The following CEP164 variants were observed in gnomAD, a reference collection of about 807,000 sequenced individuals.
CEP164 encodes centrosomal protein of 164 kDa.
A neutral mutation model predicts 182.7 loss-of-function variants in CEP164; 162 were observed. That is an observed-to-expected ratio of 0.89 (90% confidence interval 0.78 to 1.01). The LOEUF is 1.01. Ranked by LOEUF, CEP164 falls within the 50% of genes least tolerant of loss-of-function variation. The pLI, the probability that CEP164 is intolerant of heterozygous loss-of-function variation, is 0.00. For missense variants in CEP164, 1,735 were observed against 1,790.4 expected (o/e 0.97, Z 0.56); for synonymous variants, 661 against 690.0 (o/e 0.96, Z 0.66).
rs566477562 is a variant in CEP164, at chr11:117,393,233, C to A, written c.2616+107C>A. On this transcript the variant is annotated intron_variant, in intron 20 of 32. Transcript: ENST00000278935. Reference sequence around the variant, plus strand: ...CATGCACGCACATGCACACACACCCCGGGGTCCTTCCCACCTGGCTGTGGG... The same window carrying A: ...CATGCACGCACATGCACACACACCCAGGGGTCCTTCCCACCTGGCTGTGGG... 565 of 1,455,458 alleles carry A rather than the reference C, an allele frequency of 3.9e-4. 2 individuals are homozygous for A. In the African/African-American group the frequency reaches 7.3e-3, roughly 19 times the overall value. 90.2% of individuals were successfully genotyped at this position (1,455,458 alleles called of 1,614,324 possible).
At position 117,363,439 on chromosome 11, in the gene CEP164, G is replaced by A. The variant is rs755237805; in HGVS notation, c.698G>A (p.Ser233Asn). Reference protein sequence around the residue: ...EEESDNQSVHSSSEPLRNLHL... With the variant: ...EEESDNQSVHNSSEPLRNLHL... ...CATTTTTGTTTCTAGAGTGTCCACA[G>A]CTCAAGTGAGCCTCTTAGGAACCTA... The change falls in exon 8 of 33, where the codon AGC becomes AAC. Residue 233 changes from serine (S) to asparagine (N), a missense_variant. Physicochemically the swap from Ser to Asn is conservative, Grantham distance 46. Coordinates refer to ENST00000278935, the MANE Select transcript of CEP164 (RefSeq NM_014956.5). 8.1e-6 allele frequency: 13 copies of A among 1,613,518 alleles called. No individual in the cohort carries two copies. Among genetic ancestry groups the A allele is most frequent in the South Asian group, 1.1e-5 (1 of 91,064 alleles).
At chr11:117,373,539 C>A (rs12794050) in intron 9 of CEP164, among the ~76,000 whole-genome samples, 22,029 of 152,152 alleles carry the variant, frequency 0.14, 2,098 homozygotes, top group Non-Finnish European at 0.21. Flanking sequence ...CTCTACTCAG[C>A]GGGCTGCCCA....
chr11:117,368,543 T>A (rs2041887921), intron 8 of CEP164, among the ~76,000 whole-genome samples: 1 of 152,202 alleles, frequency 6.6e-6, no homozygotes, highest in South Asian at 2.1e-4. Context: ...CAGGTTTCAC[T>A]CCCAACTTCA....
chr11:117,338,392 G>A (rs952236298), intron 2 of CEP164, among the ~76,000 whole-genome samples, 174 bp from the exon 3 acceptor site: 2 of 152,210 alleles, frequency 1.3e-5, no homozygotes, highest in Non-Finnish European at 2.9e-5. Flanking sequence ...CAGAGCCTGT[G>A]AGCCTTGAGT....
chr11:117,397,198 C>G lies in CEP164; in HGVS notation c.3386C>G (p.Thr1129Arg). The change falls in exon 27 of 33, where the codon ACA (threonine) becomes AGA (arginine). Residue 1129 changes from threonine (T) to arginine (R), a missense_variant. By Grantham distance (71) the Thr-to-Arg change is moderately conservative. Transcript: ENST00000278935. ...QQTRSMRRRQ[T>R]ALKAAQQHWR... ...ACACGCTCCATGCGGAGGCGGCAGA[C>G]AGCTCTGAAAGCTGCCCAGCAGCAT... 2 of 1,614,256 alleles carry G rather than the reference C, an allele frequency of 1.2e-6. No homozygotes were observed. The highest frequency in any genetic ancestry group is 1.6e-4 in the Middle Eastern group (1 of 6,062).
chr11:117,345,024 A>G (rs1198690897), intron 4 of CEP164, among the ~76,000 whole-genome samples: 2 of 152,204 alleles, frequency 1.3e-5, no homozygotes, highest in Non-Finnish European at 2.9e-5. Flanking sequence ...CAGTGAGGCC[A>G]TGCAGACCAG....
At chr11:117,367,250 G>C (rs950621717) in intron 8 of CEP164, among the ~76,000 whole-genome samples, 3 of 152,192 alleles carry the variant, frequency 2.0e-5, no homozygotes, top group Non-Finnish European at 4.4e-5. Context: ...ACATCCATTT[G>C]TGGATAATCT....
chr11:117,349,748 T>A (rs1035064026), intron 4 of CEP164, among the ~76,000 whole-genome samples: 1 of 152,204 alleles, frequency 6.6e-6, no homozygotes, highest in Admixed American at 6.5e-5. Flanking sequence ...GGAACCCCCA[T>A]GCTATTTACC....
At chr11:117,376,666 G>T (rs1245710489) in intron 11 of CEP164, among the ~76,000 whole-genome samples, 1 of 151,684 alleles carries the variant, frequency 6.6e-6, no homozygotes, top group Non-Finnish European at 1.5e-5. Flanking sequence ...GTGTGCTAGA[G>T]GCAGGCCAGT....
At chr11:117,407,026 G>A (rs2136835447) in intron 27 of CEP164, among the ~76,000 whole-genome samples, 1 of 152,186 alleles carries the variant, frequency 6.6e-6, no homozygotes, top group Admixed American at 6.5e-5. Flanking sequence ...CCCAGGAGGA[G>A]GTGGAGGTTG....
Position 117,397,082 on chromosome 11 carries a change from C to G in CEP164, c.3279-9C>G. 1 of 1,612,138 alleles carries G rather than the reference C, an allele frequency of 6.2e-7. No individual in the cohort carries two copies. The highest frequency in any genetic ancestry group is 8.5e-7 in the Non-Finnish European group (1 of 1,179,066). Reference sequence around the variant, plus strand: ...CTTCTGTTTTCCTTCTTCAACTCTCCTGCTCCAGCCTGTCCTCCCACAATG... The same window carrying G: ...CTTCTGTTTTCCTTCTTCAACTCTCGTGCTCCAGCCTGTCCTCCCACAATG... On this transcript the variant is annotated splice_polypyrimidine_tract_variant and intron_variant, in intron 26 of 32. Coordinates refer to ENST00000278935, the MANE Select transcript of CEP164 (RefSeq NM_014956.5).
At chr11:117,393,831 C>T (rs1300372499) in intron 20 of CEP164, among the ~76,000 whole-genome samples, 11 of 152,200 alleles carry the variant, frequency 7.2e-5, no homozygotes, top group Admixed American at 7.2e-4. Context: ...CTGCCTTGCT[C>T]ACATTGAGGG....
In CEP164 at chr11:117,359,645, T is replaced by C; in HGVS notation, c.394-2190T>C. ...TCAGTCTTTGTGGGATTAGGGAGGA[T>C]TGGAATTTTTGTGTCATCTTAGACA... On this transcript the variant is annotated intron_variant, in intron 5 of 32. Coordinates refer to ENST00000278935, the MANE Select transcript of CEP164 (RefSeq NM_014956.5). The C allele has an allele frequency of 3.2e-6, 3 of 952,230 alleles. No individual in the cohort carries two copies. The East Asian group carries it at 3.5e-4, about 110-fold the overall frequency. 59.0% of individuals were successfully genotyped at this position (952,230 alleles called of 1,614,324 possible).
At chr11:117,392,980 A>G in intron 19 of CEP164, 24 bp from the exon 20 acceptor site, 2 of 1,611,922 alleles carry the variant, frequency 1.2e-6, no homozygotes, top group Admixed American at 1.7e-5. Flanking sequence ...TCTTCATGCC[A>G]CATCCCTGCC....
At chr11:117,396,463 G>A (rs978742300) in intron 25 of CEP164, 87 bp from the exon 26 acceptor site, 1 of 1,102,080 alleles carries the variant, frequency 9.1e-7, no homozygotes, top group South Asian at 1.2e-5. Context: ...TCCTTGTCTA[G>A]ACCACTGGGA....
chr11:117,367,029 G>T (rs1190900426), intron 8 of CEP164, among the ~76,000 whole-genome samples: 3 of 152,228 alleles, frequency 2.0e-5, no homozygotes, highest in African/African-American at 7.2e-5. Context: ...AATGTGAGCA[G>T]GGATGAGCTG....
intron 11 of CEP164, among the ~76,000 whole-genome samples, chr11:117,377,607 C>T (rs941222479): frequency 2.0e-5 from 3 of 152,176 alleles, no homozygotes; most frequent in Non-Finnish European, 2.9e-5. Context: ...TCTTCCTGTG[C>T]GCTCTTGCCC....
rs201463212 is a variant in CEP164, at chr11:117,361,817, A to G, written c.394-18A>G. On this transcript the variant is annotated intron_variant, in intron 5 of 32. Coordinates refer to ENST00000278935, the MANE Select transcript of CEP164 (RefSeq NM_014956.5). ...ACCTGGTTTCTTGAGTTGTAACAAGATGTTTTCTGTTGCACAGGCCTTGGG... is the reference window on the plus strand; with the variant it reads ...ACCTGGTTTCTTGAGTTGTAACAAGGTGTTTTCTGTTGCACAGGCCTTGGG... 11 of 1,614,054 alleles carry G rather than the reference A, an allele frequency of 6.8e-6. No homozygotes were observed. In the Admixed American group the frequency reaches 1.0e-4, roughly 15 times the overall value.
chr11:117,375,232 A>G (rs1354842312), intron 10 of CEP164, among the ~76,000 whole-genome samples: 1 of 152,148 alleles, frequency 6.6e-6, no homozygotes, highest in Non-Finnish European at 1.5e-5. Context: ...CATCCTTCGC[A>G]GCATGTGTCA....
Sources: gnomAD v4.1 joint callset for allele counts (sites outside exome capture counted in the v4.1 genomes callset) on GRCh38, gnomAD v4.1.1 for gene constraint, MANE v1.5 for transcripts, NCBI Gene and HGNC (gene_info 2026-07-23, HGNC 2026-07-21) for gene names.